The following WWOX variants were observed in gnomAD, a reference collection of about 807,000 sequenced individuals.
WWOX encodes the protein WW domain containing oxidoreductase, also known as WW domain-containing oxidoreductase.
In WWOX, 69 loss-of-function variants were observed where a neutral mutation model predicts 46.2. That is an observed-to-expected ratio of 1.49 (90% CI 1.23 to 1.82). WWOX has a LOEUF of 1.82. Ranked by LOEUF, WWOX falls within the 40% of genes most tolerant of loss-of-function variation. The pLI is 0.00. For missense variants in WWOX, 919 were observed against 542.6 expected (o/e 1.69, Z -6.89); for synonymous variants, 359 against 202.6 (o/e 1.77, Z -6.56).
intron 8 of WWOX, among the ~76,000 whole-genome samples, chr16:78,662,344 G>T (rs1032185510): frequency 5.3e-5 from 8 of 152,168 alleles, no homozygotes; most frequent in Admixed American, 5.2e-4. Context: ...ATACAGGACT[G>T]GAAAATAAGA....
At chr16:79,171,504 C>A (rs2050698703) in intron 8 of WWOX, among the ~76,000 whole-genome samples, 1 of 152,126 alleles carries the variant, frequency 6.6e-6, no homozygotes, top group African/African-American at 2.4e-5. Context: ...AGAATTTAAA[C>A]ATTCCTTTTT....
chr16:78,947,717 G>A lies in WWOX; in HGVS notation c.1057-263891G>A, dbSNP rs552828630. Reference sequence around the variant, plus strand: ...CCCCTCACTTAGCCCCTTCAGAAAAGCCAAAAAGAATGTGCCACCTAGATG... The same window carrying A: ...CCCCTCACTTAGCCCCTTCAGAAAAACCAAAAAGAATGTGCCACCTAGATG... On this transcript the variant is annotated intron_variant, in intron 8 of 8. Transcript: ENST00000566780. Among the ~76,000 whole-genome samples, 3 of 152,258 alleles carry A rather than the reference G, an allele frequency of 2.0e-5. No homozygotes were observed. The East Asian group carries it at 5.8e-4, about 29-fold the overall frequency.
chr16:78,336,809 C>T (rs930718538), intron 5 of WWOX, among the ~76,000 whole-genome samples: 9 of 152,082 alleles, frequency 5.9e-5, no homozygotes, highest in Admixed American at 2.0e-4. Context: ...TGTTTGTTTT[C>T]GAGACGAAGT....
intron 8 of WWOX, among the ~76,000 whole-genome samples, chr16:78,674,919 T>G (rs1816925759): frequency 1.3e-5 from 2 of 152,018 alleles, no homozygotes. Flanking sequence ...AAGACCAAGG[T>G]GTATGCATGG....
rs192226083 is a variant in WWOX, at chr16:78,220,271, G to A, written c.516+55982G>A. ...TGGTTTAAAGGCCAGTTATGTGATGGATACTTCTATTACCTTATGTCTTTC... is the reference window on the plus strand; with the variant it reads ...TGGTTTAAAGGCCAGTTATGTGATGAATACTTCTATTACCTTATGTCTTTC... On this transcript the variant is annotated intron_variant, in intron 5 of 8. Transcript: ENST00000566780. Among the ~76,000 whole-genome samples, 396 of 152,226 alleles carry A rather than the reference G, an allele frequency of 2.6e-3. 2 individuals carry two copies. The highest frequency in any genetic ancestry group is 9.2e-3 in the African/African-American group (383 of 41,564).
At chr16:78,394,820 G>C (rs910987407) in intron 6 of WWOX, among the ~76,000 whole-genome samples, 1 of 152,196 alleles carries the variant, frequency 6.6e-6, no homozygotes, top group African/African-American at 2.4e-5. Flanking sequence ...TGCTACCCCT[G>C]GGCAACAACC....
intron 8 of WWOX, among the ~76,000 whole-genome samples, chr16:79,151,290 A>G (rs1321838472): frequency 6.6e-6 from 1 of 152,192 alleles, no homozygotes; most frequent in East Asian, 1.9e-4. Context: ...TTCCAAGTAA[A>G]GGCGTTATTC....
intron 8 of WWOX, among the ~76,000 whole-genome samples, chr16:78,913,081 C>G (rs764138442): frequency 3.3e-5 from 5 of 152,086 alleles, no homozygotes; most frequent in Non-Finnish European, 7.4e-5. Flanking sequence ...GATTTCAGCC[C>G]TAGCTTTTGC....
intron 6 of WWOX, among the ~76,000 whole-genome samples, chr16:78,400,320 C>G (rs988061253): frequency 1.3e-5 from 2 of 152,096 alleles, no homozygotes; most frequent in East Asian, 1.9e-4. Flanking sequence ...TGGAATGCAC[C>G]AGGCTAATAG....
intron 8 of WWOX, among the ~76,000 whole-genome samples, chr16:78,666,787 AAGG>A (rs1313423941): frequency 4.6e-5 from 7 of 152,308 alleles, no homozygotes; most frequent in Admixed American, 3.3e-4. Flanking sequence ...TAGTGATTGA[AAGG>A]AGGAGATCTA....
At chr16:79,026,713 G>A (rs1037199702) in intron 8 of WWOX, among the ~76,000 whole-genome samples, 1 of 147,606 alleles carries the variant, frequency 6.8e-6, no homozygotes, top group Non-Finnish European at 1.5e-5. Context: ...CGCCTCCCGG[G>A]TTCACACCAT....
At chr16:78,168,219 C>T (rs1464644158) in intron 5 of WWOX, 1 of 152,296 alleles carries the variant, frequency 6.6e-6, no homozygotes, top group Non-Finnish European at 1.5e-5. Flanking sequence ...TCCATCCCAA[C>T]TTGTTCTTCC....
chr16:79,004,296 C>G (rs1274161443), intron 8 of WWOX: 2 of 152,136 alleles, frequency 1.3e-5, no homozygotes, highest in Admixed American at 6.5e-5. Flanking sequence ...GCATGGCGAG[C>G]CAGTACCCGT....
chr16:78,725,719 G>C (rs1009176846), intron 8 of WWOX, among the ~76,000 whole-genome samples: 3 of 152,028 alleles, frequency 2.0e-5, no homozygotes, highest in African/African-American at 7.3e-5. Flanking sequence ...CTGAAAGTGA[G>C]AAGTCCAAAA....
At chr16:78,704,948 C>G (rs911304323) in intron 8 of WWOX, among the ~76,000 whole-genome samples, 1 of 149,778 alleles carries the variant, frequency 6.7e-6, no homozygotes, top group Non-Finnish European at 1.5e-5. Flanking sequence ...GAGGAGGAAG[C>G]CTTAAAAACC....
chr16:78,704,610 G>C (rs1049943773), intron 8 of WWOX, among the ~76,000 whole-genome samples: 11 of 152,282 alleles, frequency 7.2e-5, no homozygotes, highest in African/African-American at 2.6e-4. Flanking sequence ...TGCACAAGTG[G>C]TTAAAATTAG....
intron 5 of WWOX, among the ~76,000 whole-genome samples, chr16:78,193,470 G>C (rs1172547003): frequency 2.6e-5 from 1 of 38,048 alleles, no homozygotes; most frequent in Non-Finnish European, 5.4e-5. Flanking sequence ...TCTTATTTCT[G>C]AGAATCAAAC....
rs149201546 is a variant in WWOX, at chr16:78,247,560, A to G, written c.516+83271A>G. ...GACCCAGATTTCAACTGCAATCTCT[A>G]TTTCCTTCGGATCTGTTGCATCTGC... On this transcript the variant is annotated intron_variant, in intron 5 of 8. Transcript: ENST00000566780. 7.9e-5 allele frequency among the ~76,000 whole-genome samples: 12 copies of G among 152,142 alleles called. No individual in the cohort carries two copies. The East Asian group carries it at 2.1e-3, about 27-fold the overall frequency.
chr16:78,656,474 C>T (rs1011053826), intron 8 of WWOX, among the ~76,000 whole-genome samples: 1 of 152,094 alleles, frequency 6.6e-6, no homozygotes, highest in East Asian at 1.9e-4. Context: ...AAAATCATGG[C>T]AGAAGATGAA....
Sources: gnomAD v4.1 joint callset for allele counts (sites outside exome capture counted in the v4.1 genomes callset) on GRCh38, gnomAD v4.1.1 for gene constraint, MANE v1.5 for transcripts, NCBI Gene and HGNC (gene_info 2026-07-23, HGNC 2026-07-21) for gene names.